The following FBXW4 variants were observed in gnomAD, a reference collection of about 807,000 sequenced individuals.
The protein encoded by FBXW4 is F-box and WD repeat domain containing 4, also known as F-box/WD repeat-containing protein 4.
Under a neutral mutation model 61.8 loss-of-function variants are expected in FBXW4, and 40 were observed. The ratio of observed to expected loss-of-function variants is 0.65; its 90% confidence interval spans 0.50 to 0.84. The LOEUF (loss-of-function observed/expected upper bound fraction) is 0.84. FBXW4 is among the 40% of genes least tolerant of loss of function. The pLI is 0.00. For synonymous variants in FBXW4, 311 were observed against 313.8 expected (o/e 0.99, Z 0.10); for missense variants, 672 against 753.8 (o/e 0.89, Z 1.27).
chr10:101,672,813 C>A (rs2064370046), intron 4 of FBXW4, 102 bp downstream of exon 4: 7 of 1,416,990 alleles, frequency 4.9e-6, no homozygotes, highest in South Asian at 1.4e-5. Context: ...TCTCCCCTGT[C>A]CCCAGACGAT....
intron 1 of FBXW4, among the ~76,000 whole-genome samples, chr10:101,693,335 C>T (rs2064631949): frequency 6.6e-6 from 1 of 152,094 alleles, no homozygotes; most frequent in Non-Finnish European, 1.5e-5. Context: ...AAAGCTGTTA[C>T]TCAAAAATGC....
intron 5 of FBXW4, among the ~76,000 whole-genome samples, chr10:101,629,325 C>T (rs2063932434): frequency 6.6e-6 from 1 of 151,970 alleles, no homozygotes; most frequent in Non-Finnish European, 1.5e-5. Flanking sequence ...TGCTCTGTCG[C>T]CCAGGCTGGA....
rs1037492537 is a variant in FBXW4 at position 101,673,728 on chromosome 10, A to C, written c.822-55T>G. 9.7e-6 allele frequency: 15 copies of C among 1,542,820 alleles called. No individual in the cohort carries two copies. In the African/African-American group the frequency reaches 1.5e-4, roughly 16 times the overall value. On this transcript the variant is annotated intron_variant, in intron 2 of 8. Coordinates refer to ENST00000331272, the MANE Select transcript of FBXW4 (RefSeq NM_022039.4). Reference sequence around the variant, plus strand: ...TCATCAAGATACAGTATGAAAACTCAACTCCAATCTTTGAAGAAGCTGACC... The same window carrying C: ...TCATCAAGATACAGTATGAAAACTCCACTCCAATCTTTGAAGAAGCTGACC...
chr10:101,653,941 T>G (rs1352010856), intron 5 of FBXW4, among the ~76,000 whole-genome samples: 1 of 151,798 alleles, frequency 6.6e-6, no homozygotes, highest in Non-Finnish European at 1.5e-5. Context: ...GCCAACATGG[T>G]CAAACCCCAT....
chr10:101,634,224 A>G (rs931246194), intron 5 of FBXW4, among the ~76,000 whole-genome samples: 2 of 150,314 alleles, frequency 1.3e-5, no homozygotes, highest in African/African-American at 4.9e-5. Context: ...AGAAAAATGA[A>G]CAAATAAACA....
intron 6 of FBXW4, among the ~76,000 whole-genome samples, chr10:101,617,488 G>A (rs960644146): frequency 6.6e-6 from 1 of 152,206 alleles, no homozygotes; most frequent in East Asian, 1.9e-4. Context: ...TAACAATGGA[G>A]GAGCTATGGA....
rs141657077 is a variant in FBXW4 at position 101,611,628 on chromosome 10, G to A, written c.1584C>T (p.His528=). The A allele has an allele frequency of 4.2e-5, 67 of 1,613,938 alleles. No homozygotes were observed. The Middle Eastern group carries it at 8.2e-4, about 20-fold the overall frequency. ...GAGAAGAGGTGGGCAGGACACTTAC[G>A]TGCAGGCAGGCCCTTTGACGCCGGT... ...LWDRRQRACL[H]AFPLTSTPLS... Residue 528 remains histidine, a splice_region_variant and synonymous_variant, in exon 8 of 9, where the codon CAC becomes CAT. Coordinates refer to ENST00000331272, the MANE Select transcript of FBXW4 (RefSeq NM_022039.4). This position sits in a 1 kb window ranked among gnomAD's most constrained non-coding sequence, Gnocchi z 4.9.
At chr10:101,675,486 A>C (rs2134898104) in intron 2 of FBXW4, among the ~76,000 whole-genome samples, 1 of 138,056 alleles carries the variant, frequency 7.2e-6, no homozygotes, top group South Asian at 2.6e-4. Context: ...CATCATAAAA[A>C]TCCGTCTTTC....
At chr10:101,693,681 C>T (rs2064635719) in intron 1 of FBXW4, among the ~76,000 whole-genome samples, 1 of 152,060 alleles carries the variant, frequency 6.6e-6, no homozygotes, top group East Asian at 1.9e-4. Flanking sequence ...ATGTTTTTTC[C>T]TTCCTATTTA....
intron 5 of FBXW4, among the ~76,000 whole-genome samples, chr10:101,641,295 T>C (rs2064051073): frequency 6.6e-6 from 1 of 152,154 alleles, no homozygotes; most frequent in Non-Finnish European, 1.5e-5. Context: ...ATAATTAAGA[T>C]GGTGATGGAA....
intron 5 of FBXW4, chr10:101,626,523 C>G (rs971214058): frequency 1.3e-5 from 2 of 152,582 alleles, no homozygotes; most frequent in African/African-American, 4.8e-5. Flanking sequence ...AGGAATCTCC[C>G]TCTGTCACCA....
At chr10:101,686,827 A>G (rs1280939727) in intron 1 of FBXW4, among the ~76,000 whole-genome samples, 3 of 152,180 alleles carry the variant, frequency 2.0e-5, no homozygotes, top group East Asian at 3.8e-4. Context: ...CTTCTAGGCC[A>G]TTATGATAAA....
chr10:101,680,306 T>C (rs2064461547), intron 1 of FBXW4, among the ~76,000 whole-genome samples: 1 of 152,136 alleles, frequency 6.6e-6, no homozygotes, highest in Non-Finnish European at 1.5e-5. Context: ...ATGGGGATAA[T>C]AGAAATTATT....
chr10:101,671,059 G>A (rs556350666), intron 4 of FBXW4, among the ~76,000 whole-genome samples: 1 of 152,200 alleles, frequency 6.6e-6, no homozygotes, highest in Non-Finnish European at 1.5e-5. Flanking sequence ...TGTATTAGAA[G>A]CCTGGAGAAG....
chr10:101,686,539 AG>A (rs2064536022), intron 1 of FBXW4, among the ~76,000 whole-genome samples: 1 of 151,124 alleles, frequency 6.6e-6, no homozygotes, highest in Non-Finnish European at 1.5e-5. Flanking sequence ...GTCATGAATT[AG>A]GCACTAGCAG....
At position 101,694,617 on chromosome 10, in the gene FBXW4, C is replaced by T; in HGVS notation, c.489G>A (p.Glu163=). 1 of 1,435,908 alleles carries T rather than the reference C, an allele frequency of 7.0e-7. No individual in the cohort carries two copies. The highest frequency in any genetic ancestry group is 1.5e-5 in the South Asian group (1 of 68,712). 88.9% of individuals were successfully genotyped at this position (1,435,908 alleles called of 1,614,324 possible). Residue 163 remains glutamate, a synonymous_variant, in exon 1 of 9, where the codon GAG becomes GAA. Coordinates refer to ENST00000331272, the MANE Select transcript of FBXW4 (RefSeq NM_022039.4). The surrounding 1 kb of genome is among the most constrained non-coding windows in gnomAD (Gnocchi z 6.0). ...GVAMAAAAGE[E]EEEEEAARES... ...CCCGAGCCGCCTCCTCCTCCTCCTC[C>T]TCCTCCCCGGCCGCCGCCGCCATGG...
intron 5 of FBXW4, among the ~76,000 whole-genome samples, chr10:101,654,929 T>TC (rs1423611281): frequency 6.6e-6 from 1 of 152,174 alleles, no homozygotes; most frequent in Non-Finnish European, 1.5e-5. Context: ...GCTCAAGCAG[T>TC]CCCCCCACCT....
chr10:101,612,556 C>A, intron 6 of FBXW4, 79 bp from the exon 7 acceptor site: 1 of 1,366,322 alleles, frequency 7.3e-7, no homozygotes, highest in Non-Finnish European at 9.6e-7. Flanking sequence ...GGCATCAGAC[C>A]TTGGGGAAAT....
intron 5 of FBXW4, among the ~76,000 whole-genome samples, chr10:101,637,246 G>A (rs1389965536): frequency 6.7e-6 from 1 of 149,380 alleles, no homozygotes; most frequent in African/African-American, 2.5e-5. Flanking sequence ...AAAAAAATTA[G>A]CTGGGCGTGG....
Sources: allele counts gnomAD v4.1 joint callset (sites outside exome capture counted in the v4.1 genomes callset), GRCh38; gene constraint gnomAD v4.1.1; non-coding constraint Gnocchi (gnomAD v3.1); transcripts MANE v1.5; gene names NCBI Gene and HGNC (gene_info 2026-07-23, HGNC 2026-07-21).